Variants in KCNT2 observed in about 807,000 individuals in gnomAD.
The protein encoded by KCNT2 is potassium sodium-activated channel subfamily T member 2.
Under a neutral mutation model 153.8 loss-of-function variants are expected in KCNT2, and 67 were observed. The observed-to-expected ratio is 0.44, with a 90% CI of 0.36 to 0.53. The LOEUF is 0.53. KCNT2 is among the 20% of genes least tolerant of loss of function. The pLI, the probability that KCNT2 is intolerant of heterozygous loss-of-function variation, is 0.00. For missense variants in KCNT2, 975 were observed against 1,354.8 expected, an observed-to-expected ratio of 0.72 and a Z score of 4.40; for synonymous variants, 500 against 458.8, an observed-to-expected ratio of 1.09 and a Z score of -1.15.
intron 27 of KCNT2, among the ~76,000 whole-genome samples, chr1:196,229,731 G>A (rs996183824): frequency 5.9e-5 from 9 of 152,058 alleles, no homozygotes. Flanking sequence ...ATAAGAAAAG[G>A]AAACAGCCTT....
chr1:196,354,107 AT>A (rs547554772), intron 14 of KCNT2, among the ~76,000 whole-genome samples: 6 of 151,744 alleles, frequency 4.0e-5, no homozygotes, highest in East Asian at 1.9e-4. Context: ...AGTAGAATTT[AT>A]TTTTTTTAAT....
chr1:196,273,630 C>CCATACACTATAAAT, intron 25 of KCNT2: 1 of 571,122 alleles, frequency 1.8e-6, no homozygotes, highest in South Asian at 2.3e-5. Context: ...GCATATTTCT[C>CCATACACTATAAAT]GTATGGCTTT....
chr1:196,312,041 A>G (rs745309169), intron 21 of KCNT2, among the ~76,000 whole-genome samples: 2 of 151,856 alleles, frequency 1.3e-5, no homozygotes, highest in African/African-American at 4.8e-5. Flanking sequence ...CTTTAGAAGG[A>G]TACATTTAAA....
Position 196,373,120 on chromosome 1 carries a change from TA to T in KCNT2, c.1403+19del, listed in dbSNP as rs769306097. On this transcript the variant is annotated intron_variant, in intron 14 of 27. Coordinates refer to ENST00000294725, the MANE Select transcript of KCNT2 (RefSeq NM_198503.5). ...TTTTATATAATTTAAAAGGTTAACT[TA>T]AAGAAAAAATATACTTACTGCCCTC... 2 of 1,177,200 alleles carry T rather than the reference TA, an allele frequency of 1.7e-6. No individual in the cohort carries two copies. The highest frequency in any genetic ancestry group is 3.8e-5 in the Admixed American group (2 of 53,082). The allele number at this position is 1,177,200 out of a possible 1,614,324, so 72.9% of individuals were successfully genotyped here.
chr1:196,599,030 T>C (rs1224143384), intron 1 of KCNT2, among the ~76,000 whole-genome samples: 1 of 152,198 alleles, frequency 6.6e-6, no homozygotes, highest in Non-Finnish European at 1.5e-5. Context: ...ACAGCTTCCA[T>C]CTATAATTTG....
At chr1:196,601,387 T>A (rs1231066468) in intron 1 of KCNT2, among the ~76,000 whole-genome samples, 5 of 152,354 alleles carry the variant, frequency 3.3e-5, no homozygotes, top group African/African-American at 9.6e-5. Flanking sequence ...AATATCGGTT[T>A]CCACTACTGT....
intron 13 of KCNT2, among the ~76,000 whole-genome samples, chr1:196,379,689 T>C (rs1002378250): frequency 1.8e-4 from 27 of 152,072 alleles, no homozygotes; most frequent in Admixed American, 1.8e-3. Flanking sequence ...CCATTTAAAG[T>C]TTCTGTTTAT....
At chr1:196,533,196 G>C (rs577437902) in intron 1 of KCNT2, among the ~76,000 whole-genome samples, 1 of 152,136 alleles carries the variant, frequency 6.6e-6, no homozygotes, top group Non-Finnish European at 1.5e-5. Flanking sequence ...TAAAGCACAG[G>C]CTTCCTAGTG....
chr1:196,518,606 G>GA (rs1652927955), intron 1 of KCNT2, among the ~76,000 whole-genome samples: 1 of 151,150 alleles, frequency 6.6e-6, no homozygotes, highest in South Asian at 2.1e-4. Context: ...ATAGAAATCA[G>GA]AAAAAAGCAG....
chr1:196,315,038 G>A (rs1004328806), intron 21 of KCNT2, among the ~76,000 whole-genome samples: 4 of 151,522 alleles, frequency 2.6e-5, no homozygotes, highest in Non-Finnish European at 3.0e-5. Flanking sequence ...TTTGAATTTT[G>A]AACTCAAATT....
intron 1 of KCNT2, among the ~76,000 whole-genome samples, chr1:196,518,240 A>G (rs1652865067): frequency 6.6e-6 from 1 of 152,194 alleles, no homozygotes; most frequent in Non-Finnish European, 1.5e-5. Context: ...CATCAAGCCC[A>G]CCTTAGAATA....
chr1:196,308,129 G>T (rs1217857878), intron 21 of KCNT2, among the ~76,000 whole-genome samples: 1 of 151,802 alleles, frequency 6.6e-6, no homozygotes, highest in Non-Finnish European at 1.5e-5. Flanking sequence ...AAAATTAACG[G>T]ATCTAAGGTT....
chr1:196,266,744 C>T (rs1657577871), intron 25 of KCNT2, among the ~76,000 whole-genome samples: 1 of 152,196 alleles, frequency 6.6e-6, no homozygotes, highest in Non-Finnish European at 1.5e-5. Flanking sequence ...TAAATGGAGG[C>T]TGGTAGTAGA....
At chr1:196,493,976 T>C (rs965306693) in intron 1 of KCNT2, among the ~76,000 whole-genome samples, 1 of 152,216 alleles carries the variant, frequency 6.6e-6, no homozygotes, top group Non-Finnish European at 1.5e-5. Flanking sequence ...CTCTAGAAGT[T>C]CTAAAGAAGC....
At chr1:196,370,833 G>T (rs1459935605) in intron 14 of KCNT2, among the ~76,000 whole-genome samples, 2 of 152,022 alleles carry the variant, frequency 1.3e-5, no homozygotes, top group Admixed American at 6.6e-5. Context: ...AATAAAATGT[G>T]ATATATCCAT....
intron 1 of KCNT2, among the ~76,000 whole-genome samples, chr1:196,516,687 C>T (rs542727377): frequency 6.6e-6 from 1 of 152,300 alleles, no homozygotes; most frequent in African/African-American, 2.4e-5. Flanking sequence ...TGGGTGGGAC[C>T]TGTCAAGCAG....
At chr1:196,439,779 CAGTTCT>C (rs1383987198) in intron 8 of KCNT2, among the ~76,000 whole-genome samples, 4 of 151,924 alleles carry the variant, frequency 2.6e-5, no homozygotes, top group Non-Finnish European at 4.4e-5. Context: ...AACTTGTTTA[CAGTTCT>C]AATCTTTTCA....
intron 8 of KCNT2, among the ~76,000 whole-genome samples, chr1:196,445,540 ATT>A (rs1379004030): frequency 6.6e-6 from 1 of 151,434 alleles, no homozygotes; most frequent in Non-Finnish European, 1.5e-5. Flanking sequence ...ACTGACTCTT[ATT>A]TTTATGTAAC....
chr1:196,435,897 T>C (rs1674611608), intron 8 of KCNT2, among the ~76,000 whole-genome samples: 1 of 151,690 alleles, frequency 6.6e-6, no homozygotes, highest in Admixed American at 6.6e-5. Flanking sequence ...AGAGTTGAAA[T>C]TGTTTAGAGG....
Sources: gnomAD v4.1 joint callset for allele counts (sites outside exome capture counted in the v4.1 genomes callset) on GRCh38, gnomAD v4.1.1 for gene constraint, MANE v1.5 for transcripts, NCBI Gene and HGNC (gene_info 2026-07-23, HGNC 2026-07-21) for gene names.